BRD4: variants seen among roughly 807,000 people sequenced by gnomAD.
BRD4 encodes the protein bromodomain-containing protein 4.
A neutral mutation model predicts 142.1 loss-of-function variants in BRD4; 16 were observed. The ratio of observed to expected loss-of-function variants is 0.11; its 90% confidence interval spans 0.08 to 0.17. The LOEUF (loss-of-function observed/expected upper bound fraction) is 0.17, where lower values mean the gene tolerates loss of function less well. BRD4 is among the 10% of genes least tolerant of loss of function. BRD4 has a pLI of 1.00. For missense variants in BRD4, 1,424 were observed against 1,810.9 expected (o/e 0.79, Z 3.88); for synonymous variants, 833 against 707.5 (o/e 1.18, Z -2.82).
intron 7 of BRD4, among the ~76,000 whole-genome samples, chr19:15,258,131 A>G (rs575172579): frequency 6.6e-6 from 1 of 152,312 alleles, no homozygotes; most frequent in Admixed American, 6.5e-5. Context: ...CATCGTGGAA[A>G]CACACCATGG....
At chr19:15,264,171 A>C in intron 6 of BRD4, 3 of 494,738 alleles carry the variant, frequency 6.1e-6, no homozygotes, top group Non-Finnish European at 1.0e-5. Flanking sequence ...TCCTCAGACT[A>C]GGGGAAGGGG....
chr19:15,256,187 T>C lies in BRD4; in HGVS notation c.1628A>G (p.Lys543Arg), dbSNP rs200937835. 9.3e-6 allele frequency: 15 copies of C among 1,613,048 alleles called. No homozygotes were observed. The highest frequency in any genetic ancestry group is 2.2e-5 in the East Asian group (1 of 44,904). The change falls in exon 9 of 20, where the codon AAG becomes AGG. Residue 543 changes from lysine to arginine, a missense_variant. This residue lies in a region of BRD4 where 86 missense variants were observed against 78.9 expected (regional missense o/e 1.09). Transcript: ENST00000679869. The stretch of plus-strand genomic sequence containing the variant: ...GTGCTTTTCTTTTTTCTTTTCCTTC[T>C]TGTCTTTCTCCTTTTTCTTTGGTTT... ...QNKPKKKEKD[K>R]KEKKKEKHKR...
chr19:15,273,563 G>C (rs1008928785), intron 1 of BRD4, among the ~76,000 whole-genome samples: 25 of 152,170 alleles, frequency 1.6e-4, no homozygotes, highest in African/African-American at 6.0e-4. Context: ...AAAACTCCTT[G>C]CATTTATCAC....
chr19:15,309,448 C>T (rs141402930), intron 1 of BRD4, among the ~76,000 whole-genome samples: 25 of 151,812 alleles, frequency 1.6e-4, no homozygotes, highest in African/African-American at 5.8e-4. Context: ...TGTGGAGAAA[C>T]TGGAACCCTC....
intron 11 of BRD4, chr19:15,247,634 G>A (rs563946648): frequency 1.8e-4 from 43 of 232,978 alleles, no homozygotes; most frequent in Non-Finnish European, 3.4e-4. Context: ...TTTGGTCCAA[G>A]AAAGCAGAAT....
chr19:15,247,501 C>T (rs1017159381), intron 11 of BRD4: 5 of 232,946 alleles, frequency 2.1e-5, no homozygotes, highest in East Asian at 6.0e-5. Flanking sequence ...CCCTGGACAG[C>T]GAGGTTGAAA....
Position 15,264,481 on chromosome 19 carries a change from G to A in BRD4, c.1135C>T (p.Pro379Ser). Reference protein sequence around the residue: ...HAAYAWPFYKPVDVEALGLHD... With the variant: ...HAAYAWPFYKSVDVEALGLHD... ...AGGCCCAGTGCCTCCACGTCCACAG[G>A]CTTGTAGAAGGGCCAGGCGTAGGCG... Residue 379 changes from proline to serine, a missense_variant, in exon 6 of 20, where the codon CCT (proline) becomes TCT (serine). Coordinates refer to ENST00000679869, the MANE Select transcript of BRD4 (RefSeq NM_001379291.1). The A allele has an allele frequency of 6.2e-7, 1 of 1,613,398 alleles. No individual in the cohort carries two copies. Among genetic ancestry groups the A allele is most frequent in the Non-Finnish European group, 8.5e-7 (1 of 1,179,816 alleles).
intron 10 of BRD4, 102 bp downstream of exon 10, chr19:15,255,195 A>G: frequency 8.2e-7 from 1 of 1,221,106 alleles, no homozygotes; most frequent in Non-Finnish European, 1.1e-6. Context: ...ATTGGAAAAA[A>G]AAAAGGGGGG....
intron 1 of BRD4, among the ~76,000 whole-genome samples, chr19:15,302,212 A>T (rs570102015): frequency 1.9e-4 from 29 of 152,202 alleles, no homozygotes; most frequent in Admixed American, 3.9e-4. Context: ...TTAAGAGAAT[A>T]AACAAACCAC....
chr19:15,280,519 G>T, intron 1 of BRD4: 2 of 867,574 alleles, frequency 2.3e-6, no homozygotes, highest in Non-Finnish European at 2.8e-6. Flanking sequence ...CTTACAATGA[G>T]ATATATCCCG....
intron 2 of BRD4, 48 bp from the exon 3 acceptor site, chr19:15,269,090 G>T: frequency 2.5e-6 from 4 of 1,606,674 alleles, no homozygotes; most frequent in Non-Finnish European, 3.4e-6. Flanking sequence ...CAGCCAGGCA[G>T]CACAAACGCT....
At position 15,292,802 on chromosome 19, in the gene BRD4, A is replaced by C. The variant is rs1331852863; in HGVS notation, c.-34-19669T>G. ...CAAAAAAAAAAAAAAAAAAAAAAAAAAAAAAAAAAAAAAGAAAGAAAGAAA... is the reference window on the plus strand; with the variant it reads ...CAAAAAAAAAAAAAAAAAAAAAAAACAAAAAAAAAAAAAGAAAGAAAGAAA... On this transcript the variant is annotated intron_variant, in intron 1 of 19. Coordinates refer to ENST00000679869, the MANE Select transcript of BRD4 (RefSeq NM_001379291.1). 8.4e-5 allele frequency among the ~76,000 whole-genome samples: 12 copies of C among 142,508 alleles called. 2 individuals are homozygous for C. The highest frequency in any genetic ancestry group is 8.4e-4 in the Admixed American group (12 of 14,272). The allele number at this position is 142,508 out of a possible 152,430, so 93.5% of individuals were successfully genotyped here.
At chr19:15,276,372 C>T (rs1247842199) in intron 1 of BRD4, among the ~76,000 whole-genome samples, 1 of 152,126 alleles carries the variant, frequency 6.6e-6, no homozygotes, top group Non-Finnish European at 1.5e-5. Flanking sequence ...TCCCCCCAAC[C>T]CCACACTGCC....
At chr19:15,312,706 T>C (rs1377400141) in intron 1 of BRD4, among the ~76,000 whole-genome samples, 3 of 148,658 alleles carry the variant, frequency 2.0e-5, no homozygotes, top group African/African-American at 5.0e-5. Flanking sequence ...GAGGCTGAGG[T>C]AGGTGAACCA....
intron 1 of BRD4, among the ~76,000 whole-genome samples, chr19:15,298,895 A>G (rs2047845940): frequency 1.3e-5 from 2 of 152,158 alleles, no homozygotes; most frequent in South Asian, 4.1e-4. Flanking sequence ...GCAGCCCAGG[A>G]TAATTTCCTA....
At chr19:15,310,183 G>A (rs999393260) in intron 1 of BRD4, among the ~76,000 whole-genome samples, 1 of 151,336 alleles carries the variant, frequency 6.6e-6, no homozygotes, top group African/African-American at 2.4e-5. Flanking sequence ...GCTGATGAAA[G>A]GGTGAGATCC....
At chr19:15,293,214 G>A (rs1039188388) in intron 1 of BRD4, among the ~76,000 whole-genome samples, 1 of 152,170 alleles carries the variant, frequency 6.6e-6, no homozygotes, top group Non-Finnish European at 1.5e-5. Context: ...AAACAAGCCT[G>A]AAACCATACA....
intron 8 of BRD4, 33 bp from the exon 9 acceptor site, chr19:15,256,296 G>C: frequency 1.9e-6 from 3 of 1,591,242 alleles, no homozygotes; most frequent in Non-Finnish European, 2.6e-6. Flanking sequence ...ACACACTCAG[G>C]GCTGAAACCA....
chr19:15,263,918 C>A (rs1222330600), intron 6 of BRD4, among the ~76,000 whole-genome samples: 1 of 152,236 alleles, frequency 6.6e-6, no homozygotes, highest in East Asian at 1.9e-4. Flanking sequence ...CTGCCCCATG[C>A]TTGGGACTCC....
Sources: gnomAD v4.1 joint callset for allele counts (sites outside exome capture counted in the v4.1 genomes callset) on GRCh38, gnomAD v4.1.1 for gene constraint, gnomAD v4.1.1 regional missense constraint, MANE v1.5 for transcripts, NCBI Gene and HGNC (gene_info 2026-07-23, HGNC 2026-07-21) for gene names.